WDR87: variants seen among roughly 807,000 people sequenced by gnomAD.
WDR87 encodes WD repeat-containing protein 87.
A neutral mutation model predicts 83.3 loss-of-function variants in WDR87; 56 were observed. That is an observed-to-expected ratio of 0.67 (90% confidence interval 0.54 to 0.84). WDR87 has a LOEUF of 0.84. WDR87 is among the 40% of genes least tolerant of loss of function. The pLI, the probability that WDR87 is intolerant of heterozygous loss-of-function variation, is 0.00. For synonymous variants in WDR87, 1,173 were observed against 1,250.6 expected (o/e 0.94, Z 1.31); for missense variants, 2,939 against 3,431.9 (o/e 0.86, Z 3.59).
In WDR87 at chr19:37,885,542, C is replaced by G. The variant is rs1319098526; in HGVS notation, c.8129G>C (p.Arg2710Thr). ...GGCATGGGCACTTGGAAAAATGTCT[C>G]TGGTGGCAGGATAAAAGTATTGCAT... Reference protein sequence around the residue: ...MEMQYFYPATRDIFPSAHASV... With the variant: ...MEMQYFYPATTDIFPSAHASV... Residue 2710 changes from arginine to threonine, a missense_variant, in exon 6 of 6, where the codon AGA becomes ACA. Physicochemically the swap from Arg to Thr is moderately conservative, Grantham distance 71. Transcript: ENST00000447313. The G allele has an allele frequency of 1.9e-6, 3 of 1,551,726 alleles. No homozygotes were observed. Among genetic ancestry groups the G allele is most frequent in the Admixed American group, 3.9e-5 (2 of 50,990 alleles).
rs530588985 is a variant in WDR87 at position 37,890,176 on chromosome 19, G to A, written c.3495C>T (p.Ala1165=). 597 of 1,551,614 alleles carry A rather than the reference G, an allele frequency of 3.8e-4. 1 individual carries two copies. Among genetic ancestry groups the A allele is most frequent in the Non-Finnish European group, 4.8e-4 (547 of 1,147,034 alleles). Residue 1165 remains alanine (A), a synonymous_variant, in exon 6 of 6, where the codon GCC becomes GCT. Coordinates refer to ENST00000447313, the MANE Select transcript of WDR87 (RefSeq NM_001291088.2). ...ATGCTTCCTCCATCTCAATTGGTGC[G>A]GCCTCAGTCCCACTTTCATCCTCTA... is the stretch of plus-strand genomic sequence containing the variant. ...GLLEDESGTE[A]APIEMEEASV... is the part of the protein sequence containing the mutation.
intron 5 of WDR87, 45 bp downstream of exon 5, chr19:37,891,506 GC>G: frequency 6.5e-7 from 1 of 1,542,348 alleles, no homozygotes; most frequent in Middle Eastern, 1.7e-4. Context: ...TAACTACCCT[GC>G]CTCTTGGGGA....
intron 4 of WDR87, 105 bp from the exon 5 acceptor site, chr19:37,891,925 C>T (rs182833459): frequency 7.3e-7 from 1 of 1,374,328 alleles, no homozygotes; most frequent in Admixed American, 2.6e-5. Flanking sequence ...GGCAAAGTGG[C>T]CAAGAGAGAT....
At position 37,886,292 on chromosome 19, in the gene WDR87, G is replaced by A. The variant is rs2046144305; in HGVS notation, c.7379C>T (p.Thr2460Ile). The part of the protein sequence containing the change: ...KQISWEDKKA[T>I]VVEIPRKFLG... Reference sequence around the variant, plus strand: ...GAATTTCCTGGGTATTTCAACTACTGTGGCCTTTTTATCTTCCCAGGATAT... The same window carrying A: ...GAATTTCCTGGGTATTTCAACTACTATGGCCTTTTTATCTTCCCAGGATAT... The change falls in exon 6 of 6, where the codon ACA (threonine) becomes ATA (isoleucine). Residue 2460 changes from threonine to isoleucine, a missense_variant. Physicochemically the swap from Thr to Ile is moderately conservative, Grantham distance 89 (BLOSUM62 -1). This residue lies in a region of WDR87 where 2,160 missense variants were observed against 2,533.1 expected (regional missense o/e 0.85). Coordinates refer to ENST00000447313, the MANE Select transcript of WDR87 (RefSeq NM_001291088.2). 1 of 1,551,630 alleles carries A rather than the reference G, an allele frequency of 6.4e-7. No homozygotes were observed. The highest frequency in any genetic ancestry group is 8.7e-7 in the Non-Finnish European group (1 of 1,146,988).
chr19:37,900,863 G>A (rs2046289262), intron 1 of WDR87, among the ~76,000 whole-genome samples: 2 of 149,244 alleles, frequency 1.3e-5, no homozygotes, highest in African/African-American at 5.0e-5. Flanking sequence ...AGCAGTGGAG[G>A]CCCCTGTGGG....
chr19:37,897,325 C>T (rs912818283), intron 2 of WDR87, among the ~76,000 whole-genome samples: 1 of 150,654 alleles, frequency 6.6e-6, no homozygotes, highest in Non-Finnish European at 1.5e-5. Context: ...TCTCCTGCCT[C>T]AGCCTCCCGA....
At chr19:37,890,355 TAAG>T (rs947342195) in intron 5 of WDR87, 79 bp from the exon 6 acceptor site, 1 of 1,419,648 alleles carries the variant, frequency 7.0e-7, no homozygotes, top group African/African-American at 1.4e-5. Flanking sequence ...AGGTGTGAGC[TAAG>T]AAGAACTGTC....
chr19:37,905,816 A>T (rs1190150667), intron 1 of WDR87, among the ~76,000 whole-genome samples: 2 of 152,068 alleles, frequency 1.3e-5, no homozygotes, highest in Non-Finnish European at 2.9e-5. Context: ...GGTGGCTCAA[A>T]GTGCAGGGTA....
Position 37,886,813 on chromosome 19 carries a change from C to G in WDR87, c.6858G>C (p.Glu2286Asp). ...CCTCTTCTTCCTCCCTTTCCTCCTC[C>G]TCCTCAGAAGACAAACTCTCTTGCT... ...LEKQESLSSE[E>D]EEEREEEEER... Residue 2286 changes from glutamate (E) to aspartate (D), a missense_variant, in exon 6 of 6, where the codon GAG (glutamate) becomes GAC (aspartate). Around this residue, in one of 3 missense-constraint regions of WDR87, gnomAD observed 2,160 missense variants for 2,533.1 expected, o/e 0.85. Transcript: ENST00000447313. The G allele has an allele frequency of 6.5e-7, 1 of 1,549,828 alleles. No homozygotes were observed. Among genetic ancestry groups the G allele is most frequent in the Non-Finnish European group, 8.7e-7 (1 of 1,146,730 alleles).
Position 37,887,857 on chromosome 19 carries a change from C to T in WDR87, c.5814G>A (p.Lys1938=). The T allele has an allele frequency of 6.4e-7, 1 of 1,551,412 alleles. No homozygotes were observed. The highest frequency in any genetic ancestry group is 1.7e-4 in the Middle Eastern group (1 of 5,994). ...AQVEEKLTQE[K]ETVIKKKEKL... Reference sequence around the variant, plus strand: ...TCTCCTTCTTCTTGATCACAGTCTCCTTTTCCTGTGTCAGCTTCTCCTCTA... The same window carrying T: ...TCTCCTTCTTCTTGATCACAGTCTCTTTTTCCTGTGTCAGCTTCTCCTCTA... Residue 1938 remains lysine, a synonymous_variant, in exon 6 of 6, where the codon AAG becomes AAA. Coordinates refer to ENST00000447313, the MANE Select transcript of WDR87 (RefSeq NM_001291088.2).
rs1162617845 is a variant in WDR87 at position 37,886,611 on chromosome 19, C to T, written c.7060G>A (p.Glu2354Lys). ...TCACTCAAACTTTCTGTCTCTTCCT[C>T]ACTCATAATTTCTTCTTTCTCCTCA... is the stretch of plus-strand genomic sequence containing the variant. ...VFEEKEEIMS[E>K]EETESLSDEE... The change falls in exon 6 of 6, where the codon GAG becomes AAG. Residue 2354 changes from glutamate (E) to lysine (K), a missense_variant. Coordinates refer to ENST00000447313, the MANE Select transcript of WDR87 (RefSeq NM_001291088.2). 1 of 1,534,894 alleles carries T rather than the reference C, an allele frequency of 6.5e-7. No homozygotes were observed. The highest frequency in any genetic ancestry group is 8.8e-7 in the Non-Finnish European group (1 of 1,140,466).
rs1248928235 is a variant in WDR87 at position 37,893,001 on chromosome 19, G to T, written c.2702C>A (p.Thr901Lys). ...LSKDVTYSVL[T>K]DGANRSWLGR... is the part of the protein sequence containing the mutation. ...CAGCCAACTTCGGTTTGCTCCATCTGTAAGGACACTGTAGGTTACATCCTT... is the reference window on the plus strand; with the variant it reads ...CAGCCAACTTCGGTTTGCTCCATCTTTAAGGACACTGTAGGTTACATCCTT... The change falls in exon 4 of 6, where the codon ACA (threonine) becomes AAA (lysine). Residue 901 changes from threonine (T) to lysine (K), a missense_variant. Around this residue, in one of 3 missense-constraint regions of WDR87, gnomAD observed 2,160 missense variants for 2,533.1 expected, o/e 0.85. Transcript: ENST00000447313. 4 of 1,551,716 alleles carry T rather than the reference G, an allele frequency of 2.6e-6. No homozygotes were observed. The African/African-American group carries it at 5.5e-5, about 21-fold the overall frequency.
chr19:37,906,290 C>T (rs1001898982), intron 1 of WDR87, among the ~76,000 whole-genome samples: 1 of 152,076 alleles, frequency 6.6e-6, no homozygotes, highest in Non-Finnish European at 1.5e-5. Context: ...CACTAGTTAC[C>T]CTCAGGAATG....
At chr19:37,892,071 G>A (rs1173770818) in intron 4 of WDR87, among the ~76,000 whole-genome samples, 3 of 152,124 alleles carry the variant, frequency 2.0e-5, no homozygotes, top group South Asian at 4.1e-4. Flanking sequence ...AAGAAGTAGC[G>A]GACACATAGG....
chr19:37,885,976 C>G lies in WDR87; in HGVS notation c.7695G>C (p.Glu2565Asp). Residue 2565 changes from glutamate to aspartate, a missense_variant, in exon 6 of 6, where the codon GAG becomes GAC. Glu to Asp is a conservative substitution (Grantham distance 45). Coordinates refer to ENST00000447313, the MANE Select transcript of WDR87 (RefSeq NM_001291088.2). ...QHADVSLSDV[E>D]WIRHVLERME... ...TTCGTTCTAGGACATGGCGGATCCA[C>G]TCTACATCTGAGAGGCTTACGTCTG... 6.4e-7 allele frequency: 1 copy of G among 1,552,106 alleles called. No individual in the cohort carries two copies.
chr19:37,893,160 G>A lies in WDR87; in HGVS notation c.2543C>T (p.Ala848Val), dbSNP rs2046221652. The A allele has an allele frequency of 6.4e-7, 1 of 1,551,822 alleles. No homozygotes were observed. The highest frequency in any genetic ancestry group is 8.7e-7 in the Non-Finnish European group (1 of 1,147,058). Residue 848 changes from alanine (A) to valine (V), a missense_variant, in exon 4 of 6, where the codon GCA becomes GTA. Transcript: ENST00000447313. ...GTCCCATTCCAGCTCCCGCTGGGGTGCATGCAGGTTGCACTGTAGGTATAT... is the reference window on the plus strand; with the variant it reads ...GTCCCATTCCAGCTCCCGCTGGGGTACATGCAGGTTGCACTGTAGGTATAT... ...TPIYLQCNLH[A>V]PQRELEWDRS...
chr19:37,889,477 G>A lies in WDR87; in HGVS notation c.4194C>T (p.Gly1398=), dbSNP rs748447406. The A allele has an allele frequency of 6.4e-7, 1 of 1,551,674 alleles. No homozygotes were observed. Reference sequence around the variant, plus strand: ...TCAAAATCACTTGGGTTTCCTCCAAGCCCAGCATGTCTCTTGCTTTCTTTT... The same window carrying A: ...TCAAAATCACTTGGGTTTCCTCCAAACCCAGCATGTCTCTTGCTTTCTTTT... The part of the protein sequence containing the change: ...QAQKKARDML[G]LEETQVILKK... Residue 1398 remains glycine, a synonymous_variant, in exon 6 of 6, where the codon GGC becomes GGT. Coordinates refer to ENST00000447313, the MANE Select transcript of WDR87 (RefSeq NM_001291088.2).
At position 37,894,996 on chromosome 19, in the gene WDR87, G is replaced by A. The variant is rs1432148641; in HGVS notation, c.707C>T (p.Thr236Met). The change falls in exon 4 of 6, where the codon ACG becomes ATG. Residue 236 changes from threonine (T) to methionine (M), a missense_variant. Physicochemically the swap from Thr to Met is moderately conservative, Grantham distance 81. Coordinates refer to ENST00000447313, the MANE Select transcript of WDR87 (RefSeq NM_001291088.2). The stretch of plus-strand genomic sequence containing the variant: ...GATGGAGGAGCCGCTGCTGGTGGAC[G>A]TGAACCTCTTTACCTCTCCCAGCTG... Reference protein sequence around the residue: ...KGQLGEVKRFTSTSSGSSITC... With the variant: ...KGQLGEVKRFMSTSSGSSITC... 9 of 1,551,578 alleles carry A rather than the reference G, an allele frequency of 5.8e-6. No homozygotes were observed. Among genetic ancestry groups the A allele is most frequent in the South Asian group, 3.6e-5 (3 of 84,066 alleles).
At position 37,894,775 on chromosome 19, in the gene WDR87, A is replaced by T; in HGVS notation, c.928T>A (p.Trp310Arg). Residue 310 changes from tryptophan to arginine, a missense_variant, in exon 4 of 6, where the codon TGG becomes AGG. Coordinates refer to ENST00000447313, the MANE Select transcript of WDR87 (RefSeq NM_001291088.2). ...AGCAGGCTCCCTGAAGTCAGGTTCC[A>T]CTCCTTGATTAGGCTGTCACTACCA... ...TAGSDSLIKEWNLTSGSLLRR... is the reference protein window; with the variant it reads ...TAGSDSLIKERNLTSGSLLRR... The T allele has an allele frequency of 6.4e-7, 1 of 1,551,500 alleles. No homozygotes were observed. The highest frequency in any genetic ancestry group is 2.4e-5 in the East Asian group (1 of 40,902).
Sources: gnomAD v4.1 joint callset for allele counts (sites outside exome capture counted in the v4.1 genomes callset) on GRCh38, gnomAD v4.1.1 for gene constraint, gnomAD v4.1.1 regional missense constraint, MANE v1.5 for transcripts, NCBI Gene and HGNC (gene_info 2026-07-23, HGNC 2026-07-21) for gene names.